Variants in ENOX1 observed in about 807,000 individuals in gnomAD.
ENOX1 encodes the protein ecto-NOX disulfide-thiol exchanger 1.
ENOX1 carries 42 observed loss-of-function variants against 82.5 expected under a neutral mutation model. That is an observed-to-expected ratio of 0.51 (90% CI 0.40 to 0.66). The LOEUF is 0.66. Ranked by LOEUF, ENOX1 falls within the 30% of genes least tolerant of loss-of-function variation. ENOX1 has a pLI of 0.00. For synonymous variants in ENOX1, 271 were observed against 282.2 expected, an observed-to-expected ratio of 0.96 and a Z score of 0.40; for missense variants, 608 against 811.6, an observed-to-expected ratio of 0.75 and a Z score of 3.05.
At chr13:43,699,058 G>C (rs1275208116) in intron 1 of ENOX1, among the ~76,000 whole-genome samples, 1 of 152,126 alleles carries the variant, frequency 6.6e-6, no homozygotes, top group African/African-American at 2.4e-5. Flanking sequence ...ACTAATTCTG[G>C]AGCTTGTGCA....
At chr13:43,721,750 T>C (rs971797793) in intron 1 of ENOX1, among the ~76,000 whole-genome samples, 1 of 152,118 alleles carries the variant, frequency 6.6e-6, no homozygotes, top group Non-Finnish European at 1.5e-5. Flanking sequence ...CATTTTGCAC[T>C]GGACCTTACA....
intron 2 of ENOX1, among the ~76,000 whole-genome samples, chr13:43,521,507 A>G (rs1431117273): frequency 6.6e-6 from 1 of 152,266 alleles, no homozygotes; most frequent in East Asian, 1.9e-4. Flanking sequence ...GGAGGGCTGC[A>G]AAGTCTCCCC....
At chr13:43,680,731 A>G (rs1437032683) in intron 1 of ENOX1, among the ~76,000 whole-genome samples, 1 of 152,220 alleles carries the variant, frequency 6.6e-6, no homozygotes, top group Non-Finnish European at 1.5e-5. Context: ...CCCAGCACAC[A>G]GCAAGTACTC....
chr13:43,232,976 T>C (rs949552235), intron 15 of ENOX1, among the ~76,000 whole-genome samples: 2 of 152,192 alleles, frequency 1.3e-5, no homozygotes, highest in African/African-American at 4.8e-5. Context: ...TTTTCCTTTA[T>C]AACAATATCC....
intron 2 of ENOX1, among the ~76,000 whole-genome samples, chr13:43,644,343 A>G (rs1184591564): frequency 9.2e-5 from 14 of 152,212 alleles, no homozygotes; most frequent in Non-Finnish European, 1.6e-4. Context: ...GCATTTCCCT[A>G]GATAGCTCTG....
In ENOX1 at chr13:43,265,430, C is replaced by G. The variant is rs764001017; in HGVS notation, c.1579G>C (p.Glu527Gln). The G allele has an allele frequency of 3.7e-6, 6 of 1,611,760 alleles. No homozygotes were observed. Among genetic ancestry groups the G allele is most frequent in the Non-Finnish European group, 5.1e-6 (6 of 1,178,844 alleles). Residue 527 changes from glutamate (E) to glutamine (Q), a missense_variant, in exon 14 of 17, where the codon GAG becomes CAG. By Grantham distance (29) the Glu-to-Gln change is conservative. Coordinates refer to ENST00000690772, the MANE Select transcript of ENOX1 (RefSeq NM_001347969.2). ...EQLKGTKELV[E>Q]TNGHSHEDSN... ...TCCTCATGGCTGTGGCCATTGGTCT[C>G]GACCAATTCCTTGGTACCTTTTAAC...
intron 5 of ENOX1, among the ~76,000 whole-genome samples, chr13:43,387,703 C>T (rs9533470): frequency 0.92 from 139,391 of 152,050 alleles, 65,009 homozygotes; most frequent in East Asian, 1. Context: ...CACACACACA[C>T]ATATATAAAC....
At chr13:43,726,708 G>T (rs972279496) in intron 1 of ENOX1, among the ~76,000 whole-genome samples, 1 of 147,158 alleles carries the variant, frequency 6.8e-6, no homozygotes, top group Admixed American at 6.9e-5. Flanking sequence ...CTGAAGAAAC[G>T]CATTGACTTT....
intron 3 of ENOX1, among the ~76,000 whole-genome samples, chr13:43,481,705 T>C (rs2058514345): frequency 6.6e-6 from 1 of 151,910 alleles, no homozygotes; most frequent in Admixed American, 6.6e-5. Flanking sequence ...AAGGAAGCAA[T>C]CAATAGAGTG....
intron 5 of ENOX1, among the ~76,000 whole-genome samples, chr13:43,395,236 G>C (rs536716310): frequency 8.5e-4 from 129 of 152,332 alleles, no homozygotes; most frequent in South Asian, 5.4e-3. Context: ...TATCTCCAGG[G>C]CCGGGTGCAG....
chr13:43,265,534 C>A, intron 13 of ENOX1, 80 bp from the exon 14 acceptor site: 1 of 1,161,614 alleles, frequency 8.6e-7, no homozygotes, highest in Admixed American at 1.9e-5. Context: ...ATCTTGTTAA[C>A]TGATTTATCT....
intron 12 of ENOX1, among the ~76,000 whole-genome samples, chr13:43,282,536 C>G (rs2045449675): frequency 6.6e-6 from 1 of 151,220 alleles, no homozygotes; most frequent in Non-Finnish European, 1.5e-5. Context: ...CTCCTAGGCT[C>G]AATGATCCTC....
At chr13:43,525,556 C>A (rs2153685162) in intron 2 of ENOX1, among the ~76,000 whole-genome samples, 1 of 152,140 alleles carries the variant, frequency 6.6e-6, no homozygotes, top group Non-Finnish European at 1.5e-5. Flanking sequence ...AGGAACTGTC[C>A]TACCGTTTCC....
chr13:43,496,114 T>C (rs1159258630), intron 2 of ENOX1, among the ~76,000 whole-genome samples: 1 of 152,166 alleles, frequency 6.6e-6, no homozygotes, highest in East Asian at 1.9e-4. Flanking sequence ...GCCCTTTCTG[T>C]GGCTTGCCTA....
At chr13:43,714,347 T>C (rs1358360998) in intron 1 of ENOX1, among the ~76,000 whole-genome samples, 2 of 152,202 alleles carry the variant, frequency 1.3e-5, no homozygotes, top group Non-Finnish European at 2.9e-5. Flanking sequence ...TGTGGTCAAT[T>C]TTGGAATAGA....
intron 2 of ENOX1, among the ~76,000 whole-genome samples, chr13:43,654,411 T>C (rs562425894): frequency 1.3e-5 from 2 of 152,138 alleles, no homozygotes; most frequent in Non-Finnish European, 2.9e-5. Context: ...TTAAAATAAA[T>C]CTCTTCATAA....
intron 3 of ENOX1, among the ~76,000 whole-genome samples, chr13:43,479,913 A>G (rs1488218099): frequency 6.6e-6 from 1 of 151,774 alleles, no homozygotes; most frequent in Non-Finnish European, 1.5e-5. Context: ...TGGTTACTAA[A>G]CATTCTTTTA....
At chr13:43,648,008 C>A (rs557963090) in intron 2 of ENOX1, among the ~76,000 whole-genome samples, 38 of 152,278 alleles carry the variant, frequency 2.5e-4, no homozygotes, top group African/African-American at 7.7e-4. Flanking sequence ...GCATGGATCT[C>A]CCCCAAAGTC....
chr13:43,739,202 C>T (rs1490127907), intron 1 of ENOX1, among the ~76,000 whole-genome samples: 2 of 152,088 alleles, frequency 1.3e-5, no homozygotes, highest in Non-Finnish European at 2.9e-5. Context: ...GTGAACAATA[C>T]CAGGCCAAAA....
Sources: allele counts gnomAD v4.1 joint callset (sites outside exome capture counted in the v4.1 genomes callset), GRCh38; gene constraint gnomAD v4.1.1; transcripts MANE v1.5; gene names NCBI Gene and HGNC (gene_info 2026-07-23, HGNC 2026-07-21).